The following TSPAN15 variants were observed in gnomAD, a reference collection of about 807,000 sequenced individuals.
The protein encoded by TSPAN15 is tetraspanin 15.
In TSPAN15, 20 loss-of-function variants were observed where a neutral mutation model predicts 34.5. That is an observed-to-expected ratio of 0.58 (90% confidence interval 0.41 to 0.84). The LOEUF is 0.84. Ranked by LOEUF, TSPAN15 falls within the 40% of genes least tolerant of loss-of-function variation. The pLI is 0.00. For missense variants in TSPAN15, 313 were observed against 386.1 expected (o/e 0.81, Z 1.59); for synonymous variants, 155 against 153.9 (o/e 1.01, Z -0.05).
intron 1 of TSPAN15, among the ~76,000 whole-genome samples, chr10:69,476,816 C>T (rs73275745): frequency 0.016 from 2,474 of 152,032 alleles, 66 homozygotes; most frequent in African/African-American, 0.057. Context: ...GGGGGAGCCC[C>T]GTTCCTCAAG....
At chr10:69,539,441 G>GAAA in the TSPAN15 span, among the ~76,000 whole-genome samples, 3 of 65,398 alleles carry the variant, frequency 4.6e-5, no homozygotes, top group African/African-American at 1.8e-4. Flanking sequence ...AGAAGAAGAA[G>GAAA]GAAGAAGAAG....
intron 3 of TSPAN15, chr10:69,495,298 G>C (rs1175339349): frequency 9.5e-6 from 3 of 314,696 alleles, no homozygotes; most frequent in Non-Finnish European, 1.8e-5. Context: ...CCCCAAGCAC[G>C]GCCCCAGCCT....
chr10:69,478,436 T>C lies in TSPAN15; in HGVS notation c.97-5255T>C, dbSNP rs564819173. 2.0e-5 allele frequency among the ~76,000 whole-genome samples: 3 copies of C among 152,300 alleles called. No individual in the cohort carries two copies. In the South Asian group the frequency reaches 6.2e-4, roughly 32 times the overall value. On this transcript the variant is annotated intron_variant, in intron 1 of 7. Transcript: ENST00000373290. ...GACCTCAAATACTCCATGAGACGGT[T>C]GTGGAATGAAGTGGTTCTCAGGGCC... is the stretch of plus-strand genomic sequence containing the variant.
At position 69,507,178 on chromosome 10, in the gene TSPAN15, C is replaced by T. The variant is rs1052436229; in HGVS notation, c.*200C>T. ...GCCTGGGCCTCCCCTAAGAGGCTTT[C>T]CCCGAGGCAGCTCTGGAATCTGTGC... On this transcript the variant is annotated 3_prime_UTR_variant, in exon 8 of 8. Coordinates refer to ENST00000373290, the MANE Select transcript of TSPAN15 (RefSeq NM_012339.5). 7 of 1,422,382 alleles carry T rather than the reference C, an allele frequency of 4.9e-6. No individual in the cohort carries two copies. The highest frequency in any genetic ancestry group is 6.4e-6 in the Non-Finnish European group (7 of 1,094,656). 88.1% of individuals were successfully genotyped at this position (1,422,382 alleles called of 1,614,324 possible).
At chr10:69,455,526 T>C (rs74619630) in intron 1 of TSPAN15, among the ~76,000 whole-genome samples, 8,811 of 136,028 alleles carry the variant, frequency 0.065, 444 homozygotes, top group Non-Finnish European at 0.077. Context: ...TTCCCTCTCT[T>C]TCTTTCTCTT....
intron 1 of TSPAN15, among the ~76,000 whole-genome samples, chr10:69,458,856 C>A (rs942991948): frequency 6.6e-6 from 1 of 152,168 alleles, no homozygotes; most frequent in Middle Eastern, 3.2e-3. Flanking sequence ...AGAGGAATTG[C>A]TTTATGTCGT....
At chr10:69,459,588 A>G (rs538215851) in intron 1 of TSPAN15, among the ~76,000 whole-genome samples, 39 of 152,324 alleles carry the variant, frequency 2.6e-4, no homozygotes, top group African/African-American at 8.2e-4. Context: ...GGCAGGTCGC[A>G]AGCATGGCTA....
At chr10:69,494,761 C>T in intron 3 of TSPAN15, 1 of 985,432 alleles carries the variant, frequency 1.0e-6, no homozygotes, top group Non-Finnish European at 1.2e-6. Flanking sequence ...GAGAATGCCC[C>T]CTTCGTCCCC....
chr10:69,539,518 A>G, the TSPAN15 span, among the ~76,000 whole-genome samples: 23 of 111,016 alleles, frequency 2.1e-4, 2 homozygotes, highest in East Asian at 7.4e-4. Flanking sequence ...GAAGAAGAAG[A>G]AGAAGAAGAA....
At chr10:69,531,598 A>G in the TSPAN15 span, among the ~76,000 whole-genome samples, 1 of 152,188 alleles carries the variant, frequency 6.6e-6, no homozygotes, top group Non-Finnish European at 1.5e-5. Flanking sequence ...GACTGTCTCA[A>G]AAAGCAAACA....
At chr10:69,541,283 G>A in the TSPAN15 span, among the ~76,000 whole-genome samples, 1 of 152,172 alleles carries the variant, frequency 6.6e-6, no homozygotes, top group East Asian at 1.9e-4. Flanking sequence ...GAGGCCAGGA[G>A]GAGCCCACCT....
the TSPAN15 span, among the ~76,000 whole-genome samples, chr10:69,526,786 C>CAA: frequency 3.3e-3 from 198 of 60,858 alleles, 1 homozygote; most frequent in East Asian, 4.5e-3. Flanking sequence ...GACCCTGTCT[C>CAA]AAAAAAAAAA....
chr10:69,506,018 A>C lies in TSPAN15; in HGVS notation c.619-106A>C. The C allele has an allele frequency of 1.2e-6, 1 of 834,218 alleles. No individual in the cohort carries two copies. The highest frequency in any genetic ancestry group is 2.0e-6 in the Non-Finnish European group (1 of 512,610). The allele number at this position is 834,218 out of a possible 1,614,324, so 51.7% of individuals were successfully genotyped here. A position where few individuals can be genotyped will look rare whatever the true frequency, so the allele number is the denominator to read the frequency against. ...CTGCATATGGGAAACTGAGGATCAC[A>C]GCGGTTGAGGGACTAGCCTGGACCT... On this transcript the variant is annotated intron_variant, in intron 6 of 7. Coordinates refer to ENST00000373290, the MANE Select transcript of TSPAN15 (RefSeq NM_012339.5). This position sits in a 1 kb window ranked among gnomAD's most constrained non-coding sequence, Gnocchi z 4.7.
chr10:69,452,157 C>T (rs1368670820), intron 1 of TSPAN15, among the ~76,000 whole-genome samples: 1 of 152,212 alleles, frequency 6.6e-6, no homozygotes, highest in Non-Finnish European at 1.5e-5. Flanking sequence ...GACGCTTCCC[C>T]GCTCCGTCTT....
chr10:69,525,583 G>T, the TSPAN15 span, among the ~76,000 whole-genome samples: 14 of 147,312 alleles, frequency 9.5e-5, no homozygotes, highest in African/African-American at 3.5e-4. Flanking sequence ...CACTTTGGGA[G>T]GCTGAGGCCA....
the TSPAN15 span, among the ~76,000 whole-genome samples, chr10:69,542,663 G>T: frequency 6.6e-6 from 1 of 152,274 alleles, no homozygotes; most frequent in East Asian, 1.9e-4. Flanking sequence ...AAAGGGGGCC[G>T]GTGTGGCAGG....
chr10:69,451,745 C>T, intron 1 of TSPAN15, 55 bp downstream of exon 1: 1 of 1,348,368 alleles, frequency 7.4e-7, no homozygotes, highest in South Asian at 1.7e-5. Context: ...AATCCGGCCG[C>T]CCCCTCACTG....
Position 69,507,062 on chromosome 10 carries a change from G to A in TSPAN15, c.*84G>A, listed in dbSNP as rs986601330. Reference sequence around the variant, plus strand: ...ACATCGTGGGGCTGGACAGGGCTGCGGCCCCTCTGCCCACACTCAGTACTG... The same window carrying A: ...ACATCGTGGGGCTGGACAGGGCTGCAGCCCCTCTGCCCACACTCAGTACTG... On this transcript the variant is annotated 3_prime_UTR_variant, in exon 8 of 8. Transcript: ENST00000373290. 19 of 1,549,930 alleles carry A rather than the reference G, an allele frequency of 1.2e-5. No homozygotes were observed. Among genetic ancestry groups the A allele is most frequent in the African/African-American group, 4.1e-5 (3 of 73,206 alleles).
the TSPAN15 span, among the ~76,000 whole-genome samples, chr10:69,520,395 C>A: frequency 6.6e-6 from 1 of 152,218 alleles, no homozygotes; most frequent in African/African-American, 2.4e-5. Flanking sequence ...GGGTTGGTGG[C>A]TCACACCTGT....
Sources: allele counts gnomAD v4.1 joint callset (sites outside exome capture counted in the v4.1 genomes callset), GRCh38; gene constraint gnomAD v4.1.1; non-coding constraint Gnocchi (gnomAD v3.1); transcripts MANE v1.5; gene names NCBI Gene and HGNC (gene_info 2026-07-23, HGNC 2026-07-21).